KCTD1: variants seen among roughly 807,000 people sequenced by gnomAD.
The protein encoded by KCTD1 is BTB/POZ domain-containing protein KCTD1.
A neutral mutation model predicts 66.0 loss-of-function variants in KCTD1; 24 were observed. That is an observed-to-expected ratio of 0.36 (90% confidence interval 0.26 to 0.51). KCTD1 has a LOEUF of 0.51. Among genes scored for constraint, KCTD1 ranks in the 20% least tolerant of loss-of-function variants. KCTD1 has a pLI of 0.95. For missense variants in KCTD1, 943 were observed against 1,205.2 expected, an observed-to-expected ratio of 0.78 and a Z score of 3.22; for synonymous variants, 511 against 517.2, an observed-to-expected ratio of 0.99 and a Z score of 0.16.
Position 26,475,679 on chromosome 18 carries a change from C to G in KCTD1, c.2133+836G>C, listed in dbSNP as rs7237568. 2.6e-5 allele frequency among the ~76,000 whole-genome samples: 4 copies of G among 152,038 alleles called. No homozygotes were observed. The East Asian group carries it at 7.7e-4, about 29-fold the overall frequency. On this transcript the variant is annotated intron_variant, in intron 3 of 4. Transcript: ENST00000580059. ...CAGCCTGCCCAACATGGTGACACCC[C>G]GTCTCTACTAAAAATATGAAAAATT...
chr18:26,492,259 T>C (rs1363602923), intron 2 of KCTD1, among the ~76,000 whole-genome samples: 2 of 151,754 alleles, frequency 1.3e-5, no homozygotes, highest in East Asian at 3.9e-4. Context: ...AAAATTGGAA[T>C]CTTTGAGGGG....
intron 1 of KCTD1, among the ~76,000 whole-genome samples, chr18:26,651,156 C>T (rs1988024225): frequency 6.6e-6 from 1 of 152,088 alleles, no homozygotes; most frequent in Non-Finnish European, 1.5e-5. Flanking sequence ...GCTGGTGTGG[C>T]AGGGAGATAC....
At chr18:26,499,435 T>C (rs891883752) in intron 2 of KCTD1, among the ~76,000 whole-genome samples, 6 of 152,228 alleles carry the variant, frequency 3.9e-5, no homozygotes, top group Non-Finnish European at 8.8e-5. Context: ...TAAATAATAC[T>C]AATAGATGAC....
At chr18:26,528,246 C>T (rs1984266395) in intron 1 of KCTD1, among the ~76,000 whole-genome samples, 1 of 152,120 alleles carries the variant, frequency 6.6e-6, no homozygotes, top group Non-Finnish European at 1.5e-5. Context: ...GAGGAACAGC[C>T]TTTAATGGGG....
chr18:26,535,832 C>T (rs995086448), intron 1 of KCTD1, among the ~76,000 whole-genome samples: 2 of 152,042 alleles, frequency 1.3e-5, no homozygotes, highest in African/African-American at 2.4e-5. Flanking sequence ...GGTCAGTTTT[C>T]CTCATCTGTA....
At chr18:26,539,725 G>A (rs1984884746) in intron 1 of KCTD1, among the ~76,000 whole-genome samples, 1 of 152,146 alleles carries the variant, frequency 6.6e-6, no homozygotes, top group Non-Finnish European at 1.5e-5. Flanking sequence ...AGCCAGGAAT[G>A]TGGAAATAAT....
chr18:26,498,076 C>T (rs1046082464), intron 2 of KCTD1, among the ~76,000 whole-genome samples: 1 of 152,138 alleles, frequency 6.6e-6, no homozygotes, highest in African/African-American at 2.4e-5. Context: ...ACATTTAATA[C>T]CCCCAGTAAC....
chr18:26,473,033 G>C (rs1010814342), intron 3 of KCTD1, among the ~76,000 whole-genome samples: 2 of 152,182 alleles, frequency 1.3e-5, no homozygotes, highest in East Asian at 3.8e-4. Flanking sequence ...GCAGAGTGTT[G>C]TCTAATTCAG....
chr18:26,474,452 C>T (rs923127511), intron 3 of KCTD1, among the ~76,000 whole-genome samples: 2 of 152,204 alleles, frequency 1.3e-5, no homozygotes, highest in African/African-American at 4.8e-5. Flanking sequence ...TCCAACCACA[C>T]CGTATGTTCC....
At chr18:26,590,428 C>T (rs757261978) in intron 1 of KCTD1, among the ~76,000 whole-genome samples, 2 of 152,084 alleles carry the variant, frequency 1.3e-5, no homozygotes, top group Non-Finnish European at 2.9e-5. Context: ...TGTATTAGAC[C>T]ATTTCTGAGT....
chr18:26,556,002 C>T (rs1985698434), intron 1 of KCTD1, among the ~76,000 whole-genome samples: 1 of 150,152 alleles, frequency 6.7e-6, no homozygotes, highest in African/African-American at 2.5e-5. Context: ...ATGTACCTGC[C>T]CCGTGGCTGT....
intron 1 of KCTD1, among the ~76,000 whole-genome samples, chr18:26,626,574 A>G (rs775548664): frequency 7.3e-5 from 11 of 149,892 alleles, no homozygotes; most frequent in Non-Finnish European, 1.6e-4. Context: ...TTCCTGGCTC[A>G]ATTAATCCTC....
chr18:26,505,253 C>A (rs576012500), intron 1 of KCTD1, among the ~76,000 whole-genome samples: 1 of 152,250 alleles, frequency 6.6e-6, no homozygotes, highest in Non-Finnish European at 1.5e-5. Context: ...CTCAACTCTA[C>A]CTTCCCATCA....
chr18:26,630,218 T>G (rs1273958638), upstream of KCTD1, among the ~76,000 whole-genome samples: 1 of 152,222 alleles, frequency 6.6e-6, no homozygotes, highest in Non-Finnish European at 1.5e-5. Context: ...TCACTGTATC[T>G]TTCACTGCTG....
chr18:26,568,907 G>T (rs77650351), intron 1 of KCTD1, among the ~76,000 whole-genome samples: 2,083 of 152,234 alleles, frequency 0.014, 53 homozygotes, highest in African/African-American at 0.048. Flanking sequence ...GGAAAATAAA[G>T]AATATTTTCT....
chr18:26,598,400 T>A (rs1308359186), intron 1 of KCTD1, among the ~76,000 whole-genome samples: 1 of 152,132 alleles, frequency 6.6e-6, no homozygotes, highest in Non-Finnish European at 1.5e-5. Context: ...GTTAGACTAT[T>A]ATAAATGACG....
At chr18:26,612,500 G>GACGTGTT (rs1382149943) in intron 1 of KCTD1, among the ~76,000 whole-genome samples, 1 of 152,192 alleles carries the variant, frequency 6.6e-6, no homozygotes, top group Non-Finnish European at 1.5e-5. Flanking sequence ...CTTGGACAGA[G>GACGTGTT]ACGTGTACAG....
intron 1 of KCTD1, among the ~76,000 whole-genome samples, chr18:26,536,972 C>A (rs1310907283): frequency 6.6e-6 from 1 of 150,720 alleles, no homozygotes; most frequent in Non-Finnish European, 1.5e-5. Context: ...ACCACCCCCA[C>A]CACCTCCATA....
chr18:26,546,952 C>G lies in KCTD1; in HGVS notation c.1585G>C (p.Glu529Gln). ...TACAGGGCGCGCTTGGGCGCAGCCT[C>G]GGATTTCACGTCGGGCCCGACCTGG... ...DSQVGPDVKS[E>Q]AAPKRALYES... Residue 529 changes from glutamate to glutamine, a missense_variant, in exon 1 of 5, where the codon GAG (glutamate) becomes CAG (glutamine). By Grantham distance (29) the Glu-to-Gln change is conservative. Coordinates refer to ENST00000580059, the MANE Select transcript of KCTD1 (RefSeq NM_001142730.3). The G allele has an allele frequency of 6.8e-7, 1 of 1,472,734 alleles. No individual in the cohort carries two copies. The highest frequency in any genetic ancestry group is 9.0e-7 in the Non-Finnish European group (1 of 1,108,498). The allele number at this position is 1,472,734 out of a possible 1,614,324, so 91.2% of individuals were successfully genotyped here. A position where few individuals can be genotyped will look rare whatever the true frequency, so the allele number is the denominator to read the frequency against.
Sources: gnomAD v4.1 joint callset for allele counts (sites outside exome capture counted in the v4.1 genomes callset) on GRCh38, gnomAD v4.1.1 for gene constraint, MANE v1.5 for transcripts, NCBI Gene and HGNC (gene_info 2026-07-23, HGNC 2026-07-21) for gene names.